The following RERE variants were observed in gnomAD, a reference collection of about 807,000 sequenced individuals.
The protein encoded by RERE is arginine-glutamic acid dipeptide repeats protein.
In RERE, 40 loss-of-function variants were observed where a neutral mutation model predicts 146.1. The ratio of observed to expected loss-of-function variants is 0.27; its 90% CI spans 0.21 to 0.36. The LOEUF is 0.36. Among genes scored for constraint, RERE ranks in the 10% least tolerant of loss-of-function variants. The pLI, the probability that RERE is intolerant of heterozygous loss-of-function variation, is 1.00. For missense variants in RERE, 1,933 were observed against 2,138.7 expected, an observed-to-expected ratio of 0.90 and a Z score of 1.90; for synonymous variants, 1,003 against 866.0, an observed-to-expected ratio of 1.16 and a Z score of -2.78.
intron 10 of RERE, among the ~76,000 whole-genome samples, chr1:8,486,755 T>TAAAAAAAA (rs33956517): frequency 8.2e-6 from 1 of 122,344 alleles, no homozygotes; most frequent in African/African-American, 3.1e-5. Flanking sequence ...GAGTCCATCT[T>TAAAAAAAA]AAAAAAAAAA....
intron 4 of RERE, among the ~76,000 whole-genome samples, chr1:8,561,762 C>T (rs563448653): frequency 7.9e-5 from 12 of 152,348 alleles, no homozygotes; most frequent in African/African-American, 2.9e-4. Flanking sequence ...AGAGCATCCC[C>T]TCCCTGAGTA....
intron 4 of RERE, among the ~76,000 whole-genome samples, chr1:8,561,758 T>G (rs1406919562): frequency 6.6e-6 from 1 of 152,122 alleles, no homozygotes; most frequent in East Asian, 1.9e-4. Context: ...GAAGAGAGCA[T>G]CCCCTCCCTG....
chr1:8,645,767 CTAAT>C (rs758507083), intron 2 of RERE, among the ~76,000 whole-genome samples: 12 of 152,198 alleles, frequency 7.9e-5, no homozygotes, highest in Non-Finnish European at 1.5e-4. Flanking sequence ...TCCCATTTCT[CTAAT>C]TAGAATAACT....
chr1:8,363,764 C>T lies in RERE; in HGVS notation c.1740+292G>A, dbSNP rs146261539. Reference sequence around the variant, plus strand: ...ATTTGATACAATGGAAGTGACACCACAAGCAGCAGCCTTGGAGAGCAAGAG... The same window carrying T: ...ATTTGATACAATGGAAGTGACACCATAAGCAGCAGCCTTGGAGAGCAAGAG... On this transcript the variant is annotated intron_variant, in intron 15 of 22. Transcript: ENST00000400908. 2.3e-4 allele frequency: 106 copies of T among 458,088 alleles called. No individual in the cohort carries two copies. In the East Asian group the frequency reaches 3.9e-3, roughly 17 times the overall value. 28.4% of individuals were successfully genotyped at this position (458,088 alleles called of 1,614,324 possible).
intron 10 of RERE, among the ~76,000 whole-genome samples, chr1:8,478,359 A>G (rs540015075): frequency 2.0e-5 from 3 of 152,164 alleles, no homozygotes; most frequent in South Asian, 4.1e-4. Context: ...TGGAAGAAAA[A>G]AAGTAAAGAA....
At chr1:8,630,676 A>G (rs1170388934) in intron 2 of RERE, among the ~76,000 whole-genome samples, 1 of 152,174 alleles carries the variant, frequency 6.6e-6, no homozygotes, top group Non-Finnish European at 1.5e-5. Context: ...GCTATGATCC[A>G]GCCACTGTAC....
chr1:8,531,578 C>T (rs756104734), intron 7 of RERE, among the ~76,000 whole-genome samples: 5 of 152,146 alleles, frequency 3.3e-5, no homozygotes, highest in Non-Finnish European at 7.3e-5. Flanking sequence ...TTCCAACCCT[C>T]ACATATTTTC....
At position 8,355,999 on chromosome 1, in the gene RERE, A is replaced by AATGC. The variant is rs1015166012; in HGVS notation, c.4486+97_4486+100dup. 391 of 1,294,292 alleles carry AATGC rather than the reference A, an allele frequency of 3.0e-4. 1 individual carries two copies. In the Middle Eastern group the frequency reaches 3.4e-3, roughly 11 times the overall value. The allele number at this position is 1,294,292 out of a possible 1,614,324, so 80.2% of individuals were successfully genotyped here. ...GCAGGGGGAGCGAACCCACCTGCTC[A>AATGC]ATGCATGAATGAATGAATGAGTAAT... On this transcript the variant is annotated intron_variant, in intron 21 of 22. Transcript: ENST00000400908.
At chr1:8,732,883 G>A (rs1284426499) in intron 1 of RERE, among the ~76,000 whole-genome samples, 4 of 128,416 alleles carry the variant, frequency 3.1e-5, no homozygotes, top group East Asian at 5.0e-4. Context: ...GTGCAGTGGC[G>A]CTATCTCAGC....
intron 7 of RERE, among the ~76,000 whole-genome samples, chr1:8,535,663 A>C (rs577838775): frequency 6.6e-6 from 1 of 152,344 alleles, no homozygotes; most frequent in Non-Finnish European, 1.5e-5. Flanking sequence ...GAGAAAGTAT[A>C]GTCCCTGTAA....
At chr1:8,631,421 C>T (rs1271713468) in intron 2 of RERE, among the ~76,000 whole-genome samples, 1 of 152,060 alleles carries the variant, frequency 6.6e-6, no homozygotes, top group Non-Finnish European at 1.5e-5. Flanking sequence ...TAAAAAATAA[C>T]AGTGATGTGG....
At chr1:8,672,970 C>T (rs116507647) in intron 1 of RERE, among the ~76,000 whole-genome samples, 1,598 of 152,246 alleles carry the variant, frequency 0.01, 27 homozygotes, top group African/African-American at 0.037. Flanking sequence ...TAATTAGAAT[C>T]GGAGGACAGA....
intron 1 of RERE, among the ~76,000 whole-genome samples, chr1:8,789,165 C>T (rs374423008): frequency 3.3e-5 from 5 of 149,518 alleles, no homozygotes; most frequent in African/African-American, 1.2e-4. Flanking sequence ...TGATACTAGG[C>T]TGGGCACAGT....
chr1:8,595,656 G>A (rs1287937404), intron 4 of RERE, among the ~76,000 whole-genome samples: 1 of 151,982 alleles, frequency 6.6e-6, no homozygotes, highest in African/African-American at 2.4e-5. Flanking sequence ...ATTGCTCCTA[G>A]CATTTAAACA....
chr1:8,614,482 G>A, intron 4 of RERE, 79 bp downstream of exon 4: 1 of 1,408,662 alleles, frequency 7.1e-7, no homozygotes, highest in Middle Eastern at 2.2e-4. Flanking sequence ...AGGGGCTCTG[G>A]GGAGGGAGGT....
At chr1:8,547,098 AAAC>A (rs1645873315) in intron 6 of RERE, among the ~76,000 whole-genome samples, 1 of 151,758 alleles carries the variant, frequency 6.6e-6, no homozygotes, top group Non-Finnish European at 1.5e-5. Flanking sequence ...AAAAAAAAAA[AAAC>A]AAAATATTAA....
chr1:8,573,461 C>G (rs1646248920), intron 4 of RERE, among the ~76,000 whole-genome samples: 1 of 152,142 alleles, frequency 6.6e-6, no homozygotes, highest in African/African-American at 2.4e-5. Flanking sequence ...CTTACATGAT[C>G]CATCCACGCC....
intron 1 of RERE, among the ~76,000 whole-genome samples, chr1:8,733,177 G>A (rs967064926): frequency 1.3e-5 from 2 of 151,368 alleles, no homozygotes; most frequent in Non-Finnish European, 3.0e-5. Flanking sequence ...TAAAAAAAAA[G>A]AGAGAGAGAG....
intron 15 of RERE, among the ~76,000 whole-genome samples, 173 bp from the exon 16 acceptor site, chr1:8,363,017 G>A (rs537945505): frequency 1.3e-5 from 2 of 152,350 alleles, no homozygotes; most frequent in East Asian, 3.9e-4. Context: ...ATGAAGGTCG[G>A]TGTGGAGCTC....
Sources: gnomAD v4.1 joint callset for allele counts (sites outside exome capture counted in the v4.1 genomes callset) on GRCh38, gnomAD v4.1.1 for gene constraint, MANE v1.5 for transcripts, NCBI Gene and HGNC (gene_info 2026-07-23, HGNC 2026-07-21) for gene names.